The following EFCC1 variants were observed in gnomAD, a reference collection of about 807,000 sequenced individuals.
EFCC1 encodes the protein EF-hand and coiled-coil domain containing 1.
A neutral mutation model predicts 52.1 loss-of-function variants in EFCC1; 50 were observed. The ratio of observed to expected loss-of-function variants is 0.96; its 90% CI spans 0.76 to 1.21. EFCC1 has a LOEUF of 1.21. Among genes scored for constraint, EFCC1 ranks in the 50% most tolerant of loss-of-function variants. EFCC1 has a pLI of 0.00. For synonymous variants in EFCC1, 399 were observed against 396.5 expected, an observed-to-expected ratio of 1.01 and a Z score of -0.08; for missense variants, 837 against 867.3, an observed-to-expected ratio of 0.97 and a Z score of 0.44.
chr3:129,004,191 G>C, intron 2 of EFCC1, 114 bp downstream of exon 2: 3 of 1,236,594 alleles, frequency 2.4e-6, no homozygotes, highest in African/African-American at 1.6e-5. Flanking sequence ...GTTTCTCCAT[G>C]CGTTTATTCA....
chr3:129,007,622 G>C (rs566279545), intron 2 of EFCC1, among the ~76,000 whole-genome samples: 12 of 152,284 alleles, frequency 7.9e-5, no homozygotes, highest in African/African-American at 2.9e-4. Context: ...GTATTATGTC[G>C]GATGTTTCAA....
At position 129,024,542 on chromosome 3, in the gene EFCC1, A is replaced by C. The variant is rs967212328; in HGVS notation, c.981-6161A>C. 1.1e-4 allele frequency among the ~76,000 whole-genome samples: 16 copies of C among 143,720 alleles called. 1 individual carries two copies. Among genetic ancestry groups the C allele is most frequent in the Admixed American group, 4.8e-4 (7 of 14,528 alleles). 94.3% of individuals were successfully genotyped at this position (143,720 alleles called of 152,430 possible). The stretch of plus-strand genomic sequence containing the variant: ...CAAGACTCCGTCGCAAAAAAAAAGA[A>C]AAAAAAAAAGAAAAAGAAAAACAGA... On this transcript the variant is annotated intron_variant, in intron 2 of 7. Transcript: ENST00000683648.
In EFCC1 at chr3:129,003,983, C is replaced by T. The variant is rs1159260893; in HGVS notation, c.886C>T (p.Leu296=). 6.7e-7 allele frequency: 1 copy of T among 1,497,640 alleles called. No homozygotes were observed. The highest frequency in any genetic ancestry group is 2.1e-5 in the Admixed American group (1 of 46,568). 92.8% of individuals were successfully genotyped at this position (1,497,640 alleles called of 1,614,324 possible). A position where few individuals can be genotyped will look rare whatever the true frequency, so the allele number is the denominator to read the frequency against. ...EEARQVVLRS[L]HRVRELEALA... ...GGCCCGGCAGGTGGTGCTGCGCAGC[C>T]TGCACCGCGTGCGAGAGCTGGAGGC... The change falls in exon 2 of 8, where the codon CTG becomes TTG. Residue 296 remains leucine (L), a synonymous_variant. Transcript: ENST00000683648.
Position 129,013,164 on chromosome 3 carries a change from G to GTGGGTGGGC in EFCC1, c.980+9087_980+9088insTGGGTGGGC, listed in dbSNP as rs1293448591. Among the ~76,000 whole-genome samples, 103 of 152,282 alleles carry GTGGGTGGGC rather than the reference G, an allele frequency of 6.8e-4. No individual in the cohort carries two copies. In the Middle Eastern group the frequency reaches 0.01, roughly 15 times the overall value. On this transcript the variant is annotated intron_variant, in intron 2 of 7. Coordinates refer to ENST00000683648, the MANE Select transcript of EFCC1 (RefSeq NM_001377500.1). ...GACCCAAGCCGGGTGAGCTCTGGAG[G>GTGGGTGGGC]ACACAAGGGGGTGGGCATCATGATC... is the stretch of plus-strand genomic sequence containing the variant.
At chr3:129,031,334 T>C (rs115970008) in intron 3 of EFCC1, among the ~76,000 whole-genome samples, 211 of 151,124 alleles carry the variant, frequency 1.4e-3, no homozygotes, top group African/African-American at 4.6e-3. Context: ...GGAGGGGGAG[T>C]GGGGGCTGAG....
At position 129,010,537 on chromosome 3, in the gene EFCC1, C is replaced by T. The variant is rs911885819; in HGVS notation, c.980+6460C>T. ...GGGTGGGAGAGGGAGGGAGGAGGGA[C>T]GGCAATTGGCTGGCCACCGTGGAGG... is the stretch of plus-strand genomic sequence containing the variant. On this transcript the variant is annotated intron_variant, in intron 2 of 7. Transcript: ENST00000683648. This position sits in a 1 kb window ranked among gnomAD's most constrained non-coding sequence, Gnocchi z 4.3. Among the ~76,000 whole-genome samples, 20 of 152,008 alleles carry T rather than the reference C, an allele frequency of 1.3e-4. No homozygotes were observed. The highest frequency in any genetic ancestry group is 2.1e-4 in the South Asian group (1 of 4,824).
intron 2 of EFCC1, among the ~76,000 whole-genome samples, chr3:129,028,246 G>A (rs1161477659): frequency 6.6e-6 from 1 of 151,968 alleles, no homozygotes; most frequent in Non-Finnish European, 1.5e-5. Flanking sequence ...ACCACACCCA[G>A]CTAATTTTTG....
intron 3 of EFCC1, among the ~76,000 whole-genome samples, chr3:129,032,550 A>G (rs960725345): frequency 1.3e-5 from 2 of 152,000 alleles, no homozygotes; most frequent in Non-Finnish European, 2.9e-5. Context: ...GAGAAGAAAA[A>G]GAGAGCATTT....
At chr3:129,039,148 CG>C (rs1265201359) in intron 7 of EFCC1, among the ~76,000 whole-genome samples, 1 of 152,196 alleles carries the variant, frequency 6.6e-6, no homozygotes, top group East Asian at 1.9e-4. Context: ...CAGCCACATG[CG>C]GGGGAGGTGC....
chr3:129,037,791 T>C (rs1479234812), intron 6 of EFCC1, among the ~76,000 whole-genome samples: 1 of 151,734 alleles, frequency 6.6e-6, no homozygotes, highest in Non-Finnish European at 1.5e-5. Flanking sequence ...CTGGGCCTGG[T>C]GGTGCATGCC....
At chr3:129,032,060 C>G (rs1419543229) in intron 3 of EFCC1, among the ~76,000 whole-genome samples, 2 of 152,182 alleles carry the variant, frequency 1.3e-5, no homozygotes, top group African/African-American at 4.8e-5. Flanking sequence ...CACAGACCCC[C>G]AGGCTTCCTG....
intron 2 of EFCC1, among the ~76,000 whole-genome samples, chr3:129,009,966 C>T (rs1189466858): frequency 6.6e-6 from 1 of 152,228 alleles, no homozygotes; most frequent in Non-Finnish European, 1.5e-5. Context: ...CTGTCCGTAG[C>T]TGGGAGCCCT....
chr3:129,016,198 A>T (rs1168442691), intron 2 of EFCC1, among the ~76,000 whole-genome samples: 2 of 152,178 alleles, frequency 1.3e-5, no homozygotes, highest in Non-Finnish European at 2.9e-5. Context: ...ACACTAAGCT[A>T]CAGTTGCTGT....
At position 129,039,833 on chromosome 3, in the gene EFCC1, CCTCGT is replaced by C. The variant is rs1285347739; in HGVS notation, c.1789_1793del (p.Val597LeufsTer41). On this transcript the variant is annotated frameshift_variant, in exon 8 of 8. Transcript: ENST00000683648. LOFTEE classifies it high-confidence loss of function. Reference sequence around the variant, plus strand: ...CAGCAGCTGCGCTCACCAACCCCCTCCTCGTCTCCTGCTGAGGTTACTGGCCCACC... The same window carrying C: ...CAGCAGCTGCGCTCACCAACCCCCTCCTCCTGCTGAGGTTACTGGCCCACC... The C allele has an allele frequency of 6.2e-7, 1 of 1,608,278 alleles. No homozygotes were observed.
At chr3:129,037,210 C>T in intron 6 of EFCC1, 93 bp downstream of exon 6, 2 of 1,430,638 alleles carry the variant, frequency 1.4e-6, no homozygotes, top group South Asian at 2.9e-5. Context: ...TCTAGGCTCT[C>T]CTTACAGTAG....
chr3:129,039,881 A>G lies in EFCC1; in HGVS notation c.*33A>G. Reference sequence around the variant, plus strand: ...GGCCCACCCTGTGGGCACCCTGCTCAGCCTGACTGCCTTTGGACCAGCCTC... The same window carrying G: ...GGCCCACCCTGTGGGCACCCTGCTCGGCCTGACTGCCTTTGGACCAGCCTC... On this transcript the variant is annotated 3_prime_UTR_variant, in exon 8 of 8. Transcript: ENST00000683648. 3 of 1,571,174 alleles carry G rather than the reference A, an allele frequency of 1.9e-6. No homozygotes were observed. Among genetic ancestry groups the G allele is most frequent in the Non-Finnish European group, 2.6e-6 (3 of 1,153,514 alleles).
Position 129,004,024 on chromosome 3 carries a change from G to T in EFCC1, c.927G>T (p.Val309=), listed in dbSNP as rs964202634. The change falls in exon 2 of 8, where the codon GTG becomes GTT. Residue 309 remains valine, a synonymous_variant. Coordinates refer to ENST00000683648, the MANE Select transcript of EFCC1 (RefSeq NM_001377500.1). ...AGCTGGAGGCGCTGGCGCAACAGGTGCCCGGCTTGCAGCGCTGGGTGCGGC... is the reference window on the plus strand; with the variant it reads ...AGCTGGAGGCGCTGGCGCAACAGGTTCCCGGCTTGCAGCGCTGGGTGCGGC... ...VRELEALAQQ[V]PGLQRWVRRL... 3.1e-5 allele frequency: 47 copies of T among 1,509,948 alleles called. No homozygotes were observed. The African/African-American group carries it at 6.3e-4, about 20-fold the overall frequency. The allele number at this position is 1,509,948 out of a possible 1,614,324, so 93.5% of individuals were successfully genotyped here.
At chr3:129,038,329 G>T (rs1249804386) in intron 6 of EFCC1, among the ~76,000 whole-genome samples, 2 of 152,114 alleles carry the variant, frequency 1.3e-5, no homozygotes, top group Non-Finnish European at 2.9e-5. Flanking sequence ...GCCCCAAGAG[G>T]CCAATCCTAG....
At chr3:129,031,169 C>T (rs1434912516) in intron 3 of EFCC1, among the ~76,000 whole-genome samples, 2 of 152,220 alleles carry the variant, frequency 1.3e-5, no homozygotes, top group Non-Finnish European at 2.9e-5. Context: ...GTAGCTCACG[C>T]CTGTGATCCC....
Sources: allele counts gnomAD v4.1 joint callset (sites outside exome capture counted in the v4.1 genomes callset), GRCh38; gene constraint gnomAD v4.1.1; non-coding constraint Gnocchi (gnomAD v3.1); transcripts MANE v1.5; gene names NCBI Gene and HGNC (gene_info 2026-07-23, HGNC 2026-07-21).